MYO3B: variants seen among roughly 807,000 people sequenced by gnomAD.
MYO3B encodes myosin-IIIb.
In MYO3B, 156 loss-of-function variants were observed where a neutral mutation model predicts 174.6. The observed-to-expected ratio is 0.89, with a 90% CI of 0.78 to 1.02. The LOEUF (loss-of-function observed/expected upper bound fraction) is 1.02, where lower values mean the gene tolerates loss of function less well. Among genes scored for constraint, MYO3B ranks in the 50% least tolerant of loss-of-function variants. MYO3B has a pLI of 0.00. For synonymous variants in MYO3B, 563 were observed against 569.1 expected, an observed-to-expected ratio of 0.99 and a Z score of 0.15; for missense variants, 1,632 against 1,639.4, an observed-to-expected ratio of 1.00 and a Z score of 0.08.
rs199717003 is a variant in MYO3B, at chr2:170,490,788, C to CT, written c.3015-7796dup. 4.3e-3 allele frequency among the ~76,000 whole-genome samples: 656 copies of CT among 151,616 alleles called. 4 individuals are homozygous for CT. Among genetic ancestry groups the CT allele is most frequent in the African/African-American group, 0.015 (617 of 41,318 alleles). On this transcript the variant is annotated intron_variant, in intron 25 of 34. Transcript: ENST00000408978. Reference sequence around the variant, plus strand: ...ATTAGATGTTGGATTTTGTCAAATGCTTTTTTTTCATTTATTAGGATCATA... The same window carrying CT: ...ATTAGATGTTGGATTTTGTCAAATGCTTTTTTTTTCATTTATTAGGATCATA...
At chr2:170,536,427 G>A (rs571669505) in intron 30 of MYO3B, among the ~76,000 whole-genome samples, 150 of 152,292 alleles carry the variant, frequency 9.8e-4, no homozygotes, top group African/African-American at 3.5e-3. Context: ...TAATGATTAG[G>A]GTGGGATGCA....
In MYO3B at chr2:170,226,589, G is replaced by T. The variant is rs768356826; in HGVS notation, c.603+9194G>T. Among the ~76,000 whole-genome samples the T allele has an allele frequency of 4.6e-5, 7 of 152,300 alleles. No individual in the cohort carries two copies. In the South Asian group the frequency reaches 6.2e-4, roughly 14 times the overall value. ...CTCTCAGCTGGAGCTCTGTGGGGAG[G>T]TTGAGTCATGTGTCATATGTCAGTG... On this transcript the variant is annotated intron_variant, in intron 6 of 34. Transcript: ENST00000408978.
intron 31 of MYO3B, 52 bp from the exon 32 acceptor site, chr2:170,543,840 C>A: frequency 6.9e-7 from 1 of 1,457,472 alleles, no homozygotes. Context: ...GTCCTTAAGG[C>A]TGTTTCATCA....
intron 22 of MYO3B, among the ~76,000 whole-genome samples, chr2:170,431,913 A>G (rs2094712287): frequency 6.6e-6 from 1 of 152,220 alleles, no homozygotes; most frequent in South Asian, 2.1e-4. Context: ...TAAGATTACA[A>G]TGCAGCTGAA....
At chr2:170,640,363 A>G (rs1168447781) in intron 32 of MYO3B, 1 of 152,172 alleles carries the variant, frequency 6.6e-6, no homozygotes, top group Non-Finnish European at 1.5e-5. Context: ...ATCTTTTCAT[A>G]TATTATCTGT....
At chr2:170,365,131 G>A (rs2094188851) in intron 8 of MYO3B, among the ~76,000 whole-genome samples, 1 of 152,180 alleles carries the variant, frequency 6.6e-6, no homozygotes, top group Non-Finnish European at 1.5e-5. Flanking sequence ...TGGCCGCGAA[G>A]TATTGTTTCG....
chr2:170,537,812 T>C (rs1242102932), intron 30 of MYO3B, among the ~76,000 whole-genome samples: 2 of 152,186 alleles, frequency 1.3e-5, no homozygotes, highest in Non-Finnish European at 2.9e-5. Context: ...GCTATGCTGA[T>C]TGCCTTTCTT....
At chr2:170,510,680 A>AAAG (rs1037393285) in intron 28 of MYO3B, among the ~76,000 whole-genome samples, 13 of 71,378 alleles carry the variant, frequency 1.8e-4, no homozygotes, top group African/African-American at 9.1e-4. Context: ...GTGAAGGCAC[A>AAAG]AAGAAGAACT....
intron 30 of MYO3B, among the ~76,000 whole-genome samples, chr2:170,530,391 A>G (rs1469113475): frequency 6.6e-6 from 1 of 152,198 alleles, no homozygotes; most frequent in African/African-American, 2.4e-5. Flanking sequence ...TGTGTCAACA[A>G]GAACAGCCAG....
intron 28 of MYO3B, among the ~76,000 whole-genome samples, chr2:170,509,313 C>A (rs773173334): frequency 1.3e-5 from 2 of 152,138 alleles, no homozygotes; most frequent in South Asian, 4.1e-4. Context: ...GCCAAGATCG[C>A]ACCACTGCAC....
intron 15 of MYO3B, among the ~76,000 whole-genome samples, chr2:170,391,926 G>A (rs2094414530): frequency 6.6e-6 from 1 of 151,752 alleles, no homozygotes; most frequent in South Asian, 2.1e-4. Flanking sequence ...AAGCTGAAGT[G>A]GGAGGATTAC....
intron 7 of MYO3B, among the ~76,000 whole-genome samples, chr2:170,301,437 A>C (rs2093664339): frequency 6.6e-6 from 1 of 152,198 alleles, no homozygotes; most frequent in African/African-American, 2.4e-5. Flanking sequence ...ATAGTTTTAG[A>C]TCACTCTATT....
intron 7 of MYO3B, among the ~76,000 whole-genome samples, chr2:170,264,934 CAT>C: frequency 6.6e-6 from 1 of 152,166 alleles, no homozygotes; most frequent in African/African-American, 2.4e-5. Flanking sequence ...ATCCTGCTGT[CAT>C]GTGGGAAAAT....
intron 25 of MYO3B, among the ~76,000 whole-genome samples, chr2:170,485,570 A>G (rs1390101310): frequency 6.6e-6 from 1 of 152,222 alleles, no homozygotes; most frequent in Non-Finnish European, 1.5e-5. Context: ...AGCTCTAACA[A>G]AATTCCTTTC....
Position 170,521,004 on chromosome 2 carries a change from T to G in MYO3B, c.3575+1464T>G, listed in dbSNP as rs140707796. ...GATTATGGGGAACTTCCTTAAAAGT[T>G]TTAGTCAAAGATTTCAAGAAAGAAG... On this transcript the variant is annotated intron_variant, in intron 30 of 34. Coordinates refer to ENST00000408978, the MANE Select transcript of MYO3B (RefSeq NM_138995.5). 9.0e-4 allele frequency among the ~76,000 whole-genome samples: 137 copies of G among 152,304 alleles called. 1 individual carries two copies. The highest frequency in any genetic ancestry group is 3.1e-3 in the African/African-American group (130 of 41,568).
intron 8 of MYO3B, 151 bp from the exon 9 acceptor site, chr2:170,369,070 TG>T: frequency 1.9e-6 from 1 of 535,360 alleles, no homozygotes; most frequent in Non-Finnish European, 3.1e-6. Context: ...TTCTGTTTTC[TG>T]GTACATATTA....
chr2:170,225,984 T>G (rs750859746), intron 6 of MYO3B, among the ~76,000 whole-genome samples: 1 of 152,194 alleles, frequency 6.6e-6, no homozygotes, highest in Non-Finnish European at 1.5e-5. Context: ...CCTTTTAAGG[T>G]CCTGTCTATT....
At chr2:170,430,013 T>TG (rs201609444) in intron 22 of MYO3B, among the ~76,000 whole-genome samples, 34 of 90,096 alleles carry the variant, frequency 3.8e-4, no homozygotes, top group South Asian at 3.4e-3. Context: ...TACACAGGTT[T>TG]TTTTTTTTTT....
At chr2:170,214,347 G>T in intron 3 of MYO3B, 32 bp from the exon 4 acceptor site, 1 of 1,561,178 alleles carries the variant, frequency 6.4e-7, no homozygotes, top group South Asian at 1.1e-5. Flanking sequence ...GTGGTCTCCT[G>T]CTCTCCCTGT....
Sources: gnomAD v4.1 joint callset for allele counts (sites outside exome capture counted in the v4.1 genomes callset) on GRCh38, gnomAD v4.1.1 for gene constraint, MANE v1.5 for transcripts, NCBI Gene and HGNC (gene_info 2026-07-23, HGNC 2026-07-21) for gene names.